Variants in GRIK1 observed in about 807,000 individuals in gnomAD.
GRIK1 encodes glutamate ionotropic receptor kainate type subunit 1.
A neutral mutation model predicts 105.7 loss-of-function variants in GRIK1; 69 were observed. The observed-to-expected ratio is 0.65, with a 90% CI of 0.54 to 0.80. GRIK1 has a LOEUF of 0.80. Among genes scored for constraint, GRIK1 ranks in the 30% least tolerant of loss-of-function variants. The probability of loss-of-function intolerance (pLI) is 0.00; values close to 1 mark genes in which losing one functional copy is unlikely to be tolerated. For missense variants in GRIK1, 1,109 were observed against 1,167.3 expected, an observed-to-expected ratio of 0.95 and a Z score of 0.73; for synonymous variants, 438 against 431.3, an observed-to-expected ratio of 1.02 and a Z score of -0.19.
Position 29,561,745 on chromosome 21 carries a change from G to T in GRIK1, c.2235C>A (p.Thr745=), listed in dbSNP as rs749184591. ...ACTCCATCAGCAGCGCGTAGTCTGT[G>T]GTGAGCACTCTCTGGATCCCCTCAT... ...NSDEGIQRVL[T]TDYALLMEST... is the part of the protein sequence containing the mutation. Residue 745 remains threonine, a synonymous_variant, in exon 15 of 18, where the codon ACC becomes ACA. Transcript: ENST00000327783. The T allele has an allele frequency of 7.4e-6, 12 of 1,613,728 alleles. No homozygotes were observed. The Admixed American group carries it at 1.8e-4, about 25-fold the overall frequency.
chr21:29,702,062 G>A (rs977640549), intron 1 of GRIK1, among the ~76,000 whole-genome samples: 14 of 152,106 alleles, frequency 9.2e-5, no homozygotes, highest in Non-Finnish European at 2.9e-5. Flanking sequence ...CAAAGACCAC[G>A]TGTTCTCATG....
At chr21:29,818,071 AGTCTTAGACAACATGGT>A (rs2067200527) in intron 1 of GRIK1, among the ~76,000 whole-genome samples, 1 of 152,120 alleles carries the variant, frequency 6.6e-6, no homozygotes, top group South Asian at 2.1e-4. Flanking sequence ...CAAAGTCTGG[AGTCTTAGACAACATGGT>A]GTACTGCATT....
At chr21:29,766,584 A>C (rs1353155228) in intron 1 of GRIK1, among the ~76,000 whole-genome samples, 1 of 152,250 alleles carries the variant, frequency 6.6e-6, no homozygotes, top group Non-Finnish European at 1.5e-5. Flanking sequence ...AATCAAAACC[A>C]GCATTGTTGC....
intron 16 of GRIK1, among the ~76,000 whole-genome samples, chr21:29,550,093 G>A (rs1278825335): frequency 2.5e-5 from 2 of 81,238 alleles, no homozygotes; most frequent in African/African-American, 1.1e-4. Flanking sequence ...GGGCGACAGA[G>A]AAAGACTCCA....
intron 1 of GRIK1, among the ~76,000 whole-genome samples, chr21:29,734,364 T>C (rs1466308045): frequency 4.6e-5 from 1 of 21,762 alleles, no homozygotes; most frequent in East Asian, 1.8e-3. Flanking sequence ...TTCTTTTCTT[T>C]TCTTTTCTTT....
rs549188267 is a variant in GRIK1, at chr21:29,847,856, A to G, written c.118+91527T>C. Among the ~76,000 whole-genome samples, 3 of 150,780 alleles carry G rather than the reference A, an allele frequency of 2.0e-5. No individual in the cohort carries two copies. The East Asian group carries it at 5.9e-4, about 30-fold the overall frequency. Reference sequence around the variant, plus strand: ...AGTATTGCTGTGATACTGCCTAATTACTTTGTTTTGTTTATTCAGGTTGCA... The same window carrying G: ...AGTATTGCTGTGATACTGCCTAATTGCTTTGTTTTGTTTATTCAGGTTGCA... On this transcript the variant is annotated intron_variant, in intron 1 of 17. Coordinates refer to ENST00000327783, the MANE Select transcript of GRIK1 (RefSeq NM_001330994.2).
intron 1 of GRIK1, among the ~76,000 whole-genome samples, chr21:29,786,953 C>A (rs751594963): frequency 6.6e-6 from 1 of 152,138 alleles, no homozygotes; most frequent in Non-Finnish European, 1.5e-5. Context: ...GTCACTAAAC[C>A]CTTTCATAGC....
chr21:29,666,893 G>C (rs1199679768), intron 4 of GRIK1, among the ~76,000 whole-genome samples: 1 of 152,164 alleles, frequency 6.6e-6, no homozygotes, highest in South Asian at 2.1e-4. Flanking sequence ...CCTCAGATAA[G>C]TTTTAAATCC....
chr21:29,653,689 T>A (rs1393609022), intron 5 of GRIK1, among the ~76,000 whole-genome samples: 3 of 152,234 alleles, frequency 2.0e-5, no homozygotes, highest in African/African-American at 7.2e-5. Context: ...CCCTCAGCTG[T>A]TCTCAAGGAT....
chr21:29,694,546 A>G (rs1420968640), intron 1 of GRIK1, among the ~76,000 whole-genome samples: 2 of 152,226 alleles, frequency 1.3e-5, no homozygotes, highest in East Asian at 1.9e-4. Context: ...GCAGATAAAT[A>G]GGACTAACTG....
intron 3 of GRIK1, among the ~76,000 whole-genome samples, chr21:29,680,347 T>A (rs1281288601): frequency 6.6e-6 from 1 of 152,208 alleles, no homozygotes; most frequent in East Asian, 1.9e-4. Context: ...AAATATCCTC[T>A]CAGATATTAT....
At chr21:29,885,303 T>C (rs1398993401) in intron 1 of GRIK1, among the ~76,000 whole-genome samples, 1 of 152,092 alleles carries the variant, frequency 6.6e-6, no homozygotes, top group Non-Finnish European at 1.5e-5. Context: ...GCTAGATGGT[T>C]TTTAACTAAA....
rs530663900 is a variant in GRIK1, at chr21:29,659,978, A to C, written c.727-5115T>G. On this transcript the variant is annotated intron_variant, in intron 4 of 17. Transcript: ENST00000327783. ...ACTCTGTTTCAAAACAAAACAAAAC[A>C]AAAAAAACCCAACAACAACAACAAC... 2.9e-4 allele frequency among the ~76,000 whole-genome samples: 44 copies of C among 151,126 alleles called. No homozygotes were observed. The South Asian group carries it at 8.5e-3, about 29-fold the overall frequency.
rs548004329 is a variant in GRIK1, at chr21:29,848,839, C to T, written c.118+90544G>A. ...TTTGGTATACGTAAAATGTGTTTTT[C>T]CTAGTCCTTAGGATGACTTGATTCT... is the stretch of plus-strand genomic sequence containing the variant. On this transcript the variant is annotated intron_variant, in intron 1 of 17. Transcript: ENST00000327783. Among the ~76,000 whole-genome samples, 30 of 131,312 alleles carry T rather than the reference C, an allele frequency of 2.3e-4. 1 individual carries two copies. The South Asian group carries it at 7.1e-3, about 31-fold the overall frequency. The allele number at this position is 131,312 out of a possible 152,430, so 86.1% of individuals were successfully genotyped here.
chr21:29,790,264 G>A lies in GRIK1; in HGVS notation c.119-96201C>T, dbSNP rs1037946875. On this transcript the variant is annotated intron_variant, in intron 1 of 17. Transcript: ENST00000327783. ...GGGTTTCACCATGTTGGCCAGGATGGTCTCAATATCTTCACCTCATGATCT... is the reference window on the plus strand; with the variant it reads ...GGGTTTCACCATGTTGGCCAGGATGATCTCAATATCTTCACCTCATGATCT... 1.2e-4 allele frequency among the ~76,000 whole-genome samples: 18 copies of A among 152,128 alleles called. 1 individual carries two copies. Among genetic ancestry groups the A allele is most frequent in the Non-Finnish European group, 1.8e-4 (12 of 68,024 alleles).
chr21:29,802,797 T>A (rs74650709), intron 1 of GRIK1, among the ~76,000 whole-genome samples: 7,268 of 152,272 alleles, frequency 0.048, 227 homozygotes, highest in Middle Eastern at 0.078. Flanking sequence ...CTAGCTCACA[T>A]AAAGTATATA....
chr21:29,633,240 G>T (rs1480320210), intron 7 of GRIK1, among the ~76,000 whole-genome samples: 1 of 138,640 alleles, frequency 7.2e-6, no homozygotes, highest in East Asian at 2.0e-4. Flanking sequence ...CGTGGCTTAC[G>T]CCTGTAATCT....
chr21:29,849,172 T>C (rs2068230307), intron 1 of GRIK1, among the ~76,000 whole-genome samples: 1 of 152,196 alleles, frequency 6.6e-6, no homozygotes, highest in Non-Finnish European at 1.5e-5. Context: ...ATTTTTCTTG[T>C]ATTTTATTAG....
At chr21:29,835,367 G>T (rs2067764367) in intron 1 of GRIK1, among the ~76,000 whole-genome samples, 2 of 152,182 alleles carry the variant, frequency 1.3e-5, no homozygotes, top group South Asian at 4.1e-4. Flanking sequence ...GTGGCCCCAG[G>T]AGCACTAGCT....
Sources: allele counts gnomAD v4.1 joint callset (sites outside exome capture counted in the v4.1 genomes callset), GRCh38; gene constraint gnomAD v4.1.1; transcripts MANE v1.5; gene names NCBI Gene and HGNC (gene_info 2026-07-23, HGNC 2026-07-21).